The following FAM107B variants were observed in gnomAD, a reference collection of about 807,000 sequenced individuals.
The protein encoded by FAM107B is family with sequence similarity 107 member B.
FAM107B carries 21 observed loss-of-function variants against 31.5 expected under a neutral mutation model. That is an observed-to-expected ratio of 0.67 (90% CI 0.47 to 0.96). The LOEUF (loss-of-function observed/expected upper bound fraction) is 0.96. Among genes scored for constraint, FAM107B ranks in the 40% least tolerant of loss-of-function variants. The pLI, the probability that FAM107B is intolerant of heterozygous loss-of-function variation, is 0.00. For synonymous variants in FAM107B, 157 were observed against 141.5 expected, an observed-to-expected ratio of 1.11 and a Z score of -0.78; for missense variants, 452 against 377.1, an observed-to-expected ratio of 1.20 and a Z score of -1.64.
chr10:14,549,878 G>C (rs1018303565), intron 2 of FAM107B, among the ~76,000 whole-genome samples: 6 of 152,186 alleles, frequency 3.9e-5, no homozygotes, highest in Non-Finnish European at 7.3e-5. Context: ...CATCCTGCAA[G>C]TGAGCATCCT....
chr10:14,629,445 AT>A lies in FAM107B; in HGVS notation c.469+38188del, dbSNP rs1564606921. Among the ~76,000 whole-genome samples, 19 of 17,084 alleles carry A rather than the reference AT, an allele frequency of 1.1e-3. 2 individuals are homozygous for A. The highest frequency in any genetic ancestry group is 3.8e-3 in the African/African-American group (13 of 3,454). The allele number at this position is 17,084 out of a possible 152,430, so 11.2% of individuals were successfully genotyped here. A position where few individuals can be genotyped will look rare whatever the true frequency, so the allele number is the denominator to read the frequency against. The stretch of plus-strand genomic sequence containing the variant: ...TATATATAATATATATTATATATAT[AT>A]TATATATATATTATATATATATTTA... On this transcript the variant is annotated intron_variant, in intron 2 of 4. Transcript: ENST00000181796.
intron 2 of FAM107B, among the ~76,000 whole-genome samples, chr10:14,556,769 A>G (rs1849740799): frequency 6.6e-6 from 1 of 152,242 alleles, no homozygotes; most frequent in Non-Finnish European, 1.5e-5. Context: ...AAAAAGTTCA[A>G]AGCAGGAAAC....
intron 1 of FAM107B, among the ~76,000 whole-genome samples, chr10:14,721,476 T>G (rs1055163197): frequency 6.6e-5 from 10 of 152,214 alleles, no homozygotes; most frequent in African/African-American, 2.4e-4. Flanking sequence ...TGTAAAAGTG[T>G]TCCTATTTCT....
At chr10:14,654,364 G>C (rs960270247) in intron 2 of FAM107B, among the ~76,000 whole-genome samples, 1 of 152,118 alleles carries the variant, frequency 6.6e-6, no homozygotes, top group African/African-American at 2.4e-5. Flanking sequence ...TATCTGTGTG[G>C]AATATAGACC....
intron 1 of FAM107B, among the ~76,000 whole-genome samples, chr10:14,694,054 T>C (rs555898230): frequency 2.5e-4 from 38 of 152,352 alleles, no homozygotes; most frequent in African/African-American, 9.1e-4. Context: ...CTGGACCTTC[T>C]TTTTTAAGGC....
At chr10:14,680,129 T>C (rs1854794681) in intron 1 of FAM107B, among the ~76,000 whole-genome samples, 3 of 152,304 alleles carry the variant, frequency 2.0e-5, no homozygotes, top group Admixed American at 2.0e-4. Context: ...GTGGCTATAA[T>C]ACAGGTTGCT....
At chr10:14,578,866 A>T (rs1378147650) in intron 2 of FAM107B, among the ~76,000 whole-genome samples, 1 of 152,220 alleles carries the variant, frequency 6.6e-6, no homozygotes, top group African/African-American at 2.4e-5. Context: ...AAGTTAGCTC[A>T]CCTGTGGTTT....
intron 2 of FAM107B, among the ~76,000 whole-genome samples, chr10:14,582,501 C>A (rs1015333055): frequency 6.6e-6 from 1 of 151,472 alleles, no homozygotes; most frequent in Non-Finnish European, 1.5e-5. Flanking sequence ...CTCAGCCTCC[C>A]GAGTAGCTGG....
rs1481639604 is a variant in FAM107B at position 14,759,836 on chromosome 10, C to T, written c.411+14417G>A. The stretch of plus-strand genomic sequence containing the variant: ...AAGTGATTCTTGTGTCTCAGCCTCC[C>T]GAGTGTCTGCGACTACAGGTGCCCA... On this transcript the variant is annotated intron_variant, in intron 1 of 4. Coordinates refer to ENST00000181796, the MANE Select transcript of FAM107B (RefSeq NM_031453.4). Among the ~76,000 whole-genome samples, 17 of 152,032 alleles carry T rather than the reference C, an allele frequency of 1.1e-4. No individual in the cohort carries two copies. The East Asian group carries it at 2.1e-3, about 19-fold the overall frequency.
intron 2 of FAM107B, among the ~76,000 whole-genome samples, chr10:14,629,411 T>C (rs372444142): frequency 0.012 from 10 of 864 alleles, no homozygotes; most frequent in East Asian, 0.25. Context: ...ATATATTTAA[T>C]ATATATAATA....
intron 2 of FAM107B, among the ~76,000 whole-genome samples, chr10:14,567,505 T>G (rs551953922): frequency 6.6e-6 from 1 of 152,068 alleles, no homozygotes; most frequent in Non-Finnish European, 1.5e-5. Context: ...CCAGGCAGTG[T>G]TGAGGCCCTG....
At chr10:14,772,826 C>A (rs187548036) in intron 1 of FAM107B, among the ~76,000 whole-genome samples, 2 of 152,110 alleles carry the variant, frequency 1.3e-5, no homozygotes, top group Non-Finnish European at 1.5e-5. Context: ...GCCTTGAGTC[C>A]CTGAGTCCCA....
intron 2 of FAM107B, among the ~76,000 whole-genome samples, chr10:14,639,545 C>T (rs761274403): frequency 5.9e-5 from 9 of 152,136 alleles, no homozygotes; most frequent in Non-Finnish European, 1.2e-4. Flanking sequence ...AACAAGATTT[C>T]TCATTCCTCT....
At chr10:14,716,545 A>T (rs192305287) in intron 1 of FAM107B, among the ~76,000 whole-genome samples, 8 of 152,334 alleles carry the variant, frequency 5.3e-5, no homozygotes, top group African/African-American at 1.9e-4. Flanking sequence ...ATCACAGGCT[A>T]CTTGTGAGAA....
chr10:14,607,362 G>C (rs971305888), intron 2 of FAM107B, among the ~76,000 whole-genome samples: 9 of 152,208 alleles, frequency 5.9e-5, no homozygotes, highest in African/African-American at 2.2e-4. Context: ...GGGAATCTTA[G>C]TGGGATTTTA....
At chr10:14,762,572 T>C (rs1833072064) in intron 1 of FAM107B, among the ~76,000 whole-genome samples, 1 of 152,090 alleles carries the variant, frequency 6.6e-6, no homozygotes, top group African/African-American at 2.4e-5. Context: ...CTGGCCAACA[T>C]GGTGAAACCC....
At chr10:14,734,922 G>A (rs982397386) in intron 1 of FAM107B, among the ~76,000 whole-genome samples, 4 of 152,204 alleles carry the variant, frequency 2.6e-5, no homozygotes, top group East Asian at 3.9e-4. Context: ...ATTGATATAC[G>A]CAATCTCCTC....
At chr10:14,535,944 C>T (rs184024368) in intron 2 of FAM107B, among the ~76,000 whole-genome samples, 32 of 152,294 alleles carry the variant, frequency 2.1e-4, no homozygotes, top group Middle Eastern at 3.4e-3. Flanking sequence ...TTCCAAAGTT[C>T]ACTCCGGGCC....
chr10:14,759,314 T>C (rs1057426387), intron 1 of FAM107B, among the ~76,000 whole-genome samples: 1 of 152,216 alleles, frequency 6.6e-6, no homozygotes, highest in Non-Finnish European at 1.5e-5. Context: ...ACTTTTATTT[T>C]TTTTAAATCT....
Sources: allele counts gnomAD v4.1 joint callset (sites outside exome capture counted in the v4.1 genomes callset), GRCh38; gene constraint gnomAD v4.1.1; transcripts MANE v1.5; gene names NCBI Gene and HGNC (gene_info 2026-07-23, HGNC 2026-07-21).